The following HIPK2 variants were observed in gnomAD, a reference collection of about 807,000 sequenced individuals.
The protein encoded by HIPK2 is homeodomain interacting protein kinase 2, also known as homeodomain-interacting protein kinase 2.
In HIPK2, 27 loss-of-function variants were observed where a neutral mutation model predicts 113.7. That is an observed-to-expected ratio of 0.24 (90% CI 0.17 to 0.33). The LOEUF (loss-of-function observed/expected upper bound fraction) is 0.33. HIPK2 is among the 10% of genes least tolerant of loss of function. HIPK2 has a pLI of 1.00. For synonymous variants in HIPK2, 631 were observed against 642.2 expected, an observed-to-expected ratio of 0.98 and a Z score of 0.26; for missense variants, 1,257 against 1,588.0, an observed-to-expected ratio of 0.79 and a Z score of 3.54.
At chr7:139,603,749 C>G (rs1028660742) in intron 10 of HIPK2, among the ~76,000 whole-genome samples, 2 of 152,100 alleles carry the variant, frequency 1.3e-5, no homozygotes, top group Non-Finnish European at 2.9e-5. Flanking sequence ...GTTTTCTGAA[C>G]GTAGAATTTA....
rs560881705 is a variant in HIPK2, at chr7:139,685,907, T to C, written c.1103+30025A>G. ...TTCATGCCTGCTAACACAACATCCATTCTGTAGCCCATAGATCAAGGGGTA... is the reference window on the plus strand; with the variant it reads ...TTCATGCCTGCTAACACAACATCCACTCTGTAGCCCATAGATCAAGGGGTA... On this transcript the variant is annotated intron_variant, in intron 2 of 14. Coordinates refer to ENST00000406875, the MANE Select transcript of HIPK2 (RefSeq NM_022740.5). Among the ~76,000 whole-genome samples, 4 of 152,232 alleles carry C rather than the reference T, an allele frequency of 2.6e-5. No individual in the cohort carries two copies. The South Asian group carries it at 6.2e-4, about 24-fold the overall frequency.
At chr7:139,648,582 G>T (rs1420381155) in intron 2 of HIPK2, among the ~76,000 whole-genome samples, 1 of 152,160 alleles carries the variant, frequency 6.6e-6, no homozygotes, top group African/African-American at 2.4e-5. Flanking sequence ...ATGGGAGTGA[G>T]CATCATTCCT....
intron 1 of HIPK2, among the ~76,000 whole-genome samples, chr7:139,772,994 T>C (rs1041874934): frequency 2.6e-5 from 4 of 151,614 alleles, no homozygotes; most frequent in African/African-American, 9.7e-5. Flanking sequence ...ACCCATGGTC[T>C]AGTGAGTCTA....
chr7:139,764,873 C>T (rs763395755), intron 1 of HIPK2, among the ~76,000 whole-genome samples: 15 of 152,094 alleles, frequency 9.9e-5, no homozygotes, highest in African/African-American at 3.4e-4. Context: ...TGGTGGCTCA[C>T]GCCTGTAATC....
intron 2 of HIPK2, among the ~76,000 whole-genome samples, chr7:139,668,444 T>A (rs112288696): frequency 6.6e-6 from 1 of 151,262 alleles, no homozygotes; most frequent in Non-Finnish European, 1.5e-5. Context: ...TGCCTGTAGT[T>A]CCAGCTACTC....
rs1034441356 is a variant in HIPK2, at chr7:139,777,685, C to T, written c.-62G>A. 4.6e-6 allele frequency: 5 copies of T among 1,084,990 alleles called. No individual in the cohort carries two copies. The highest frequency in any genetic ancestry group is 4.5e-6 in the Non-Finnish European group (4 of 892,810). The allele number at this position is 1,084,990 out of a possible 1,614,324, so 67.2% of individuals were successfully genotyped here. A position where few individuals can be genotyped will look rare whatever the true frequency, so the allele number is the denominator to read the frequency against. Reference sequence around the variant, plus strand: ...CGGGAAAGCGGCGCGCGAGCTCGGCCCCCCCAGCCTCAGTCGGAATCTGCC... The same window carrying T: ...CGGGAAAGCGGCGCGCGAGCTCGGCTCCCCCAGCCTCAGTCGGAATCTGCC... On this transcript the variant is annotated 5_prime_UTR_variant, in exon 1 of 15. Coordinates refer to ENST00000406875, the MANE Select transcript of HIPK2 (RefSeq NM_022740.5).
chr7:139,608,104 C>T (rs892628356), intron 9 of HIPK2, among the ~76,000 whole-genome samples: 16 of 151,606 alleles, frequency 1.1e-4, no homozygotes, highest in Admixed American at 5.9e-4. Context: ...TTAGCCGGGG[C>T]GTGGTGGCAC....
At chr7:139,719,104 C>A (rs1188082555) in intron 1 of HIPK2, among the ~76,000 whole-genome samples, 1 of 152,080 alleles carries the variant, frequency 6.6e-6, no homozygotes, top group African/African-American at 2.4e-5. Flanking sequence ...TGATTGCACA[C>A]TGTGTGCTCG....
At chr7:139,761,307 A>G (rs1796460467) in intron 1 of HIPK2, among the ~76,000 whole-genome samples, 1 of 152,232 alleles carries the variant, frequency 6.6e-6, no homozygotes, top group African/African-American at 2.4e-5. Flanking sequence ...CATTAAGTAA[A>G]CGATTTGTAT....
intron 9 of HIPK2, among the ~76,000 whole-genome samples, chr7:139,607,862 G>GA (rs745756883): frequency 2.7e-4 from 41 of 150,032 alleles, no homozygotes; most frequent in South Asian, 6.3e-4. Context: ...ACCTAAAATG[G>GA]AAAAAAAAAT....
chr7:139,765,489 A>G (rs1462745257), intron 1 of HIPK2, among the ~76,000 whole-genome samples: 1 of 152,220 alleles, frequency 6.6e-6, no homozygotes, highest in Non-Finnish European at 1.5e-5. Flanking sequence ...GTTTGTCTTT[A>G]TCTGCTAAAA....
Position 139,673,101 on chromosome 7 carries a change from C to CTTT in HIPK2, c.1104-41379_1104-41377dup, listed in dbSNP as rs10701208. On this transcript the variant is annotated intron_variant, in intron 2 of 14. Coordinates refer to ENST00000406875, the MANE Select transcript of HIPK2 (RefSeq NM_022740.5). ...GTGATTAGAAAAGCAGTGGTTAGAA[C>CTTT]TTTTTTTTTTTTTTTAATGAAAAAG... Among the ~76,000 whole-genome samples, 347 of 143,770 alleles carry CTTT rather than the reference C, an allele frequency of 2.4e-3. 1 individual carries two copies. The highest frequency in any genetic ancestry group is 3.8e-3 in the African/African-American group (147 of 38,826). The allele number at this position is 143,770 out of a possible 152,430, so 94.3% of individuals were successfully genotyped here. A position where few individuals can be genotyped will look rare whatever the true frequency, so the allele number is the denominator to read the frequency against.
intron 2 of HIPK2, among the ~76,000 whole-genome samples, chr7:139,668,780 C>G (rs565013558): frequency 6.6e-6 from 1 of 152,260 alleles, no homozygotes; most frequent in East Asian, 1.9e-4. Flanking sequence ...TACAGTTGCA[C>G]ATTAAATTGG....
At chr7:139,626,335 T>C (rs1315663314) in intron 6 of HIPK2, among the ~76,000 whole-genome samples, 2 of 151,948 alleles carry the variant, frequency 1.3e-5, no homozygotes, top group African/African-American at 4.8e-5. Context: ...ACTCCTGACC[T>C]CAGGTGATCC....
At chr7:139,614,898 A>G (rs1327611289) in intron 7 of HIPK2, among the ~76,000 whole-genome samples, 1 of 152,272 alleles carries the variant, frequency 6.6e-6, no homozygotes, top group Admixed American at 6.5e-5. Flanking sequence ...GCGTGAGTTG[A>G]GGACTATGGG....
At chr7:139,574,001 C>G (rs1798403506) in intron 14 of HIPK2, among the ~76,000 whole-genome samples, 1 of 152,102 alleles carries the variant, frequency 6.6e-6, no homozygotes, top group Admixed American at 6.5e-5. Flanking sequence ...ATCAGGATGC[C>G]CCAGGCTGGA....
Position 139,626,636 on chromosome 7 carries a change from G to C in HIPK2, c.1584C>G (p.Thr528=). ...GGGGAAAATCGAGTAAGTGTGTCAT[G>C]GTGACAAAGGGATGGTTCAGGGTTT... ...PIETLNHPFV[T]MTHLLDFPHS... is the part of the protein sequence containing the mutation. Residue 528 remains threonine (T), a synonymous_variant, in exon 6 of 15, where the codon ACC becomes ACG. Transcript: ENST00000406875. 6.2e-7 allele frequency: 1 copy of C among 1,613,948 alleles called. No homozygotes were observed. Among genetic ancestry groups the C allele is most frequent in the Non-Finnish European group, 8.5e-7 (1 of 1,179,866 alleles).
intron 1 of HIPK2, among the ~76,000 whole-genome samples, chr7:139,740,922 G>A (rs1053775178): frequency 2.0e-5 from 3 of 152,304 alleles, no homozygotes; most frequent in South Asian, 2.1e-4. Flanking sequence ...TGAGATGGGC[G>A]GATCACTTGA....
chr7:139,753,769 G>A (rs1342578501), intron 1 of HIPK2, among the ~76,000 whole-genome samples: 7 of 152,316 alleles, frequency 4.6e-5, no homozygotes, highest in South Asian at 2.1e-4. Flanking sequence ...ACACACCAGC[G>A]GCCCCCAGCC....
Sources: gnomAD v4.1 joint callset for allele counts (sites outside exome capture counted in the v4.1 genomes callset) on GRCh38, gnomAD v4.1.1 for gene constraint, MANE v1.5 for transcripts, NCBI Gene and HGNC (gene_info 2026-07-23, HGNC 2026-07-21) for gene names.